The following CYYR1 variants were observed in gnomAD, a reference collection of about 807,000 sequenced individuals.
The protein encoded by CYYR1 is cysteine and tyrosine-rich protein 1.
A neutral mutation model predicts 15.2 loss-of-function variants in CYYR1; 14 were observed. That is an observed-to-expected ratio of 0.92 (90% CI 0.61 to 1.44). The LOEUF (loss-of-function observed/expected upper bound fraction) is 1.44. CYYR1 is among the 40% of genes most tolerant of loss of function. CYYR1 has a pLI of 0.00. For missense variants in CYYR1, 228 were observed against 209.5 expected, an observed-to-expected ratio of 1.09 and a Z score of -0.54; for synonymous variants, 80 against 77.4, an observed-to-expected ratio of 1.03 and a Z score of -0.18.
intron 2 of CYYR1, among the ~76,000 whole-genome samples, chr21:26,490,279 G>T (rs1044434696): frequency 6.6e-6 from 1 of 151,964 alleles, no homozygotes; most frequent in African/African-American, 2.4e-5. Context: ...CAACCTGGGT[G>T]ACAGAGTGAG....
At chr21:26,544,022 A>C (rs1406609058) in intron 2 of CYYR1, among the ~76,000 whole-genome samples, 3 of 152,212 alleles carry the variant, frequency 2.0e-5, no homozygotes, top group African/African-American at 7.2e-5. Flanking sequence ...TTAAATTTAT[A>C]TCAATATTAG....
intron 2 of CYYR1, among the ~76,000 whole-genome samples, chr21:26,491,155 C>G (rs2065322251): frequency 6.6e-6 from 1 of 152,204 alleles, no homozygotes; most frequent in African/African-American, 2.4e-5. Context: ...TCCTGCTTTT[C>G]TCATTCCAAG....
intron 2 of CYYR1, among the ~76,000 whole-genome samples, chr21:26,506,250 C>A (rs539610605): frequency 6.6e-6 from 1 of 152,242 alleles, no homozygotes; most frequent in Admixed American, 6.5e-5. Context: ...TACTTTAATT[C>A]TAGGTCACCA....
In CYYR1 at chr21:26,466,865, T is replaced by G. The variant is rs914125518; in HGVS notation, c.*1636A>C. 6.6e-6 allele frequency: 1 copy of G among 152,174 alleles called. No individual in the cohort carries two copies. Among genetic ancestry groups the G allele is most frequent in the Non-Finnish European group, 1.5e-5 (1 of 68,030 alleles). 9.4% of individuals were successfully genotyped at this position (152,174 alleles called of 1,614,324 possible). On this transcript the variant is annotated 3_prime_UTR_variant, in exon 4 of 4. Transcript: ENST00000652641. ...TCCTCATATATAAGAAAATCATCAG[T>G]GCTTAAAGATCAAGGAACTCATTCA...
Position 26,468,556 on chromosome 21 carries a change from T to C in CYYR1, c.413A>G (p.Gln138Arg), listed in dbSNP as rs760368241. The C allele has an allele frequency of 2.5e-6, 4 of 1,613,070 alleles. No homozygotes were observed. In the African/African-American group the frequency reaches 5.3e-5, roughly 22 times the overall value. The change falls in exon 4 of 4, where the codon CAG becomes CGG. Residue 138 changes from glutamine (Q) to arginine (R), a missense_variant. Transcript: ENST00000652641. Reference protein sequence around the residue: ...DLPPPYSPTPQGPAQRSPPPP... With the variant: ...DLPPPYSPTPRGPAQRSPPPP... ...GGGTGGAGAACGCTGTGCTGGACCC[T>C]GTGGGGTGGGGGAGTATGGAGGAGG...
intron 2 of CYYR1, among the ~76,000 whole-genome samples, chr21:26,515,873 A>G (rs775957261): frequency 1.3e-5 from 2 of 152,178 alleles, no homozygotes; most frequent in Non-Finnish European, 2.9e-5. Context: ...TCATATGGGC[A>G]ATTTTTCCCT....
At chr21:26,541,496 C>T (rs1978547528) in intron 2 of CYYR1, among the ~76,000 whole-genome samples, 1 of 151,994 alleles carries the variant, frequency 6.6e-6, no homozygotes, top group South Asian at 2.1e-4. Context: ...CACTGAAAAC[C>T]TAAAATTCAA....
chr21:26,566,317 C>G lies in CYYR1; in HGVS notation c.125G>C (p.Gly42Ala), dbSNP rs781690028. The G allele has an allele frequency of 3.7e-6, 6 of 1,613,870 alleles. No homozygotes were observed. Among genetic ancestry groups the G allele is most frequent in the Non-Finnish European group, 5.1e-6 (6 of 1,179,882 alleles). The change falls in exon 2 of 4, where the codon GGA (glycine) becomes GCA (alanine). Residue 42 changes from glycine (G) to alanine (A), a missense_variant. By Grantham distance (60) the Gly-to-Ala change is moderately conservative. Coordinates refer to ENST00000652641, the MANE Select transcript of CYYR1 (RefSeq NM_001320768.2). The part of the protein sequence containing the change: ...GKDCKSYCCD[G>A]TTPYCCSYYA... ...GTAGGAGCAACAGTAGGGCGTGGTT[C>G]CATCACAGCAGTAAGATTTGCAATC... is the stretch of plus-strand genomic sequence containing the variant.
intron 3 of CYYR1, chr21:26,477,660 T>G: frequency 1.3e-6 from 1 of 776,242 alleles, no homozygotes. Context: ...ATAAAAATAT[T>G]TAAACATTAT....
At position 26,514,981 on chromosome 21, in the gene CYYR1, A is replaced by G. The variant is rs565711958; in HGVS notation, c.177-34552T>C. ...GAAGATAGAAAAATTATAACTGGAC[A>G]TGCTTTTCACGATTCAATGTGGTAT... is the stretch of plus-strand genomic sequence containing the variant. On this transcript the variant is annotated intron_variant, in intron 2 of 3. Coordinates refer to ENST00000652641, the MANE Select transcript of CYYR1 (RefSeq NM_001320768.2). Among the ~76,000 whole-genome samples the G allele has an allele frequency of 2.6e-5, 4 of 152,350 alleles. No individual in the cohort carries two copies. In the South Asian group the frequency reaches 8.3e-4, roughly 32 times the overall value.
chr21:26,560,546 C>T (rs902289577), intron 2 of CYYR1, among the ~76,000 whole-genome samples: 1 of 152,166 alleles, frequency 6.6e-6, no homozygotes, highest in African/African-American at 2.4e-5. Flanking sequence ...ATTGATTATG[C>T]TGCCTGAGAT....
rs1169572023 is a variant in CYYR1, at chr21:26,502,210, G to C, written c.177-21781C>G. On this transcript the variant is annotated intron_variant, in intron 2 of 3. Transcript: ENST00000652641. ...CTAAAGACAAAGATGTTCAGAAATT[G>C]AGTCAAGCCAAACAGATCAAAGATA... Among the ~76,000 whole-genome samples, 3 of 151,880 alleles carry C rather than the reference G, an allele frequency of 2.0e-5. No homozygotes were observed. The East Asian group carries it at 5.8e-4, about 29-fold the overall frequency.
chr21:26,519,056 G>T (rs2065770452), intron 2 of CYYR1, among the ~76,000 whole-genome samples: 1 of 152,060 alleles, frequency 6.6e-6, no homozygotes, highest in Non-Finnish European at 1.5e-5. Flanking sequence ...ATACATTTTT[G>T]TATCCCTAGA....
chr21:26,505,753 A>G (rs181335170), intron 2 of CYYR1, among the ~76,000 whole-genome samples: 242 of 152,356 alleles, frequency 1.6e-3, no homozygotes, highest in African/African-American at 3.0e-3. Context: ...TATTGTTTAC[A>G]TAACACCATA....
chr21:26,525,429 A>C (rs1339674957), intron 2 of CYYR1, among the ~76,000 whole-genome samples: 1 of 152,164 alleles, frequency 6.6e-6, no homozygotes, highest in African/African-American at 2.4e-5. Context: ...TCCAGCCCTC[A>C]ACCATGAGGG....
chr21:26,559,020 T>C (rs1342753966), intron 2 of CYYR1, among the ~76,000 whole-genome samples: 1 of 152,212 alleles, frequency 6.6e-6, no homozygotes, highest in African/African-American at 2.4e-5. Flanking sequence ...AAAGTATGTC[T>C]ATCTTCAGCT....
At chr21:26,509,170 C>T (rs960935216) in intron 2 of CYYR1, among the ~76,000 whole-genome samples, 7 of 152,164 alleles carry the variant, frequency 4.6e-5, no homozygotes, top group Non-Finnish European at 8.8e-5. Flanking sequence ...TCTCTCTAAC[C>T]TCATTGCTCT....
intron 1 of CYYR1, among the ~76,000 whole-genome samples, chr21:26,567,375 A>G (rs896788821): frequency 6.6e-6 from 1 of 152,226 alleles, no homozygotes; most frequent in African/African-American, 2.4e-5. Context: ...AAGGGGGAAG[A>G]GTTATTTTCT....
Position 26,573,208 on chromosome 21 carries a change from C to G in CYYR1, c.-268G>C. On this transcript the variant is annotated 5_prime_UTR_variant, in exon 1 of 4. Coordinates refer to ENST00000652641, the MANE Select transcript of CYYR1 (RefSeq NM_001320768.2). ...TCTCTTTGTCTCGCCCCACTGCGCT[C>G]AGGCGCGGGGAAGGCGGCCACTCCG... is the stretch of plus-strand genomic sequence containing the variant. The G allele has an allele frequency of 7.0e-7, 1 of 1,438,380 alleles. No homozygotes were observed. The highest frequency in any genetic ancestry group is 1.2e-5 in the South Asian group (1 of 81,842). 89.1% of individuals were successfully genotyped at this position (1,438,380 alleles called of 1,614,324 possible). A position where few individuals can be genotyped will look rare whatever the true frequency, so the allele number is the denominator to read the frequency against.
Sources: allele counts gnomAD v4.1 joint callset (sites outside exome capture counted in the v4.1 genomes callset), GRCh38; gene constraint gnomAD v4.1.1; transcripts MANE v1.5; gene names NCBI Gene and HGNC (gene_info 2026-07-23, HGNC 2026-07-21).